Variants in NALF1 observed in about 807,000 individuals in gnomAD.
NALF1 encodes family with sequence similarity 155 member A.
A neutral mutation model predicts 48.4 loss-of-function variants in NALF1; 3 were observed. The ratio of observed to expected loss-of-function variants is 0.06; its 90% CI spans 0.03 to 0.16. The LOEUF (loss-of-function observed/expected upper bound fraction) is 0.16, where lower values mean the gene tolerates loss of function less well. Ranked by LOEUF, NALF1 falls within the 10% of genes least tolerant of loss-of-function variation. The pLI is 1.00. For synonymous variants in NALF1, 262 were observed against 245.7 expected (o/e 1.07, Z -0.62); for missense variants, 526 against 571.5 (o/e 0.92, Z 0.81).
intron 1 of NALF1, among the ~76,000 whole-genome samples, chr13:107,417,626 T>C (rs1011366592): frequency 1.3e-5 from 2 of 152,204 alleles, no homozygotes; most frequent in Non-Finnish European, 2.9e-5. Flanking sequence ...ATGGGATCCA[T>C]GTACGGCAGT....
chr13:107,712,575 A>T (rs997811652), intron 1 of NALF1, among the ~76,000 whole-genome samples: 5 of 152,338 alleles, frequency 3.3e-5, no homozygotes, highest in African/African-American at 1.2e-4. Context: ...GCATGGGGTC[A>T]CGCAGATGCA....
At chr13:107,290,537 GC>G (rs1458609612) in intron 1 of NALF1, among the ~76,000 whole-genome samples, 1 of 151,964 alleles carries the variant, frequency 6.6e-6, no homozygotes, top group African/African-American at 2.4e-5. Context: ...TTTCTCTCTT[GC>G]CTGCTGCCAT....
At chr13:107,822,315 T>TTC (rs774545842) in intron 1 of NALF1, among the ~76,000 whole-genome samples, 1 of 46,348 alleles carries the variant, frequency 2.2e-5, no homozygotes, top group African/African-American at 1.4e-4. Flanking sequence ...TGCAAAAGTA[T>TTC]TTTTTTTTTT....
intron 1 of NALF1, among the ~76,000 whole-genome samples, chr13:107,824,866 T>C (rs1477959513): frequency 6.6e-6 from 1 of 152,226 alleles, no homozygotes; most frequent in African/African-American, 2.4e-5. Context: ...CCACTGCTCT[T>C]ACGAGTTTCA....
chr13:107,189,987 T>C (rs1172561988), intron 2 of NALF1, among the ~76,000 whole-genome samples: 1 of 152,226 alleles, frequency 6.6e-6, no homozygotes, highest in Non-Finnish European at 1.5e-5. Flanking sequence ...AGGGGATTTG[T>C]GTGTTCCTTG....
chr13:107,756,855 T>C (rs1388433289), intron 1 of NALF1, among the ~76,000 whole-genome samples: 1 of 152,132 alleles, frequency 6.6e-6, no homozygotes, highest in Non-Finnish European at 1.5e-5. Context: ...TTTGCTCACA[T>C]AGAAAAGTTT....
intron 1 of NALF1, among the ~76,000 whole-genome samples, chr13:107,767,149 CAAAAT>C (rs1877438394): frequency 6.6e-6 from 1 of 152,050 alleles, no homozygotes; most frequent in African/African-American, 2.4e-5. Flanking sequence ...CACAAAGAAA[CAAAAT>C]AAATGTTTCA....
At chr13:107,262,769 G>GCGCGCT (rs36027059) in intron 1 of NALF1, among the ~76,000 whole-genome samples, 21 of 144,122 alleles carry the variant, frequency 1.5e-4, no homozygotes, top group South Asian at 6.8e-4. Context: ...ACCCACAGGC[G>GCGCGCT]CTCTCTCTCT....
chr13:107,661,993 T>C (rs1263871005), intron 1 of NALF1, among the ~76,000 whole-genome samples: 1 of 152,208 alleles, frequency 6.6e-6, no homozygotes, highest in Admixed American at 6.5e-5. Context: ...TTATTAACAC[T>C]TACTTCTGCT....
At chr13:107,663,830 C>G (rs1323224472) in intron 1 of NALF1, among the ~76,000 whole-genome samples, 1 of 152,162 alleles carries the variant, frequency 6.6e-6, no homozygotes, top group East Asian at 1.9e-4. Flanking sequence ...CTGGATACCA[C>G]AGTGTCCTTT....
chr13:107,753,429 C>CTTT (rs1876995562), intron 1 of NALF1, among the ~76,000 whole-genome samples: 1 of 143,648 alleles, frequency 7.0e-6, no homozygotes, highest in Admixed American at 7.0e-5. Context: ...AACAAATCTT[C>CTTT]TTTGTTGTTG....
chr13:107,404,807 G>A (rs1294837060), intron 1 of NALF1, among the ~76,000 whole-genome samples: 1 of 151,908 alleles, frequency 6.6e-6, no homozygotes, highest in Non-Finnish European at 1.5e-5. Context: ...CAGTTACATG[G>A]CTAGTAAAAA....
intron 1 of NALF1, among the ~76,000 whole-genome samples, chr13:107,417,293 A>C (rs1279141692): frequency 6.6e-6 from 1 of 152,042 alleles, no homozygotes; most frequent in Non-Finnish European, 1.5e-5. Context: ...TTCACTATTG[A>C]CTCAGAGTGA....
rs970580637 is a variant in NALF1 at position 107,254,012 on chromosome 13, T to C, written c.916-43257A>G. Among the ~76,000 whole-genome samples, 4 of 150,082 alleles carry C rather than the reference T, an allele frequency of 2.7e-5. No homozygotes were observed. In the South Asian group the frequency reaches 8.4e-4, roughly 32 times the overall value. ...ACTTTGGTCGCCATGACACCCCCAG[T>C]GACAAAGTAGTTCTCTTTTATAACA... On this transcript the variant is annotated intron_variant, in intron 1 of 2. Coordinates refer to ENST00000375915, the MANE Select transcript of NALF1 (RefSeq NM_001080396.3).
At chr13:107,709,006 G>T (rs1226578121) in intron 1 of NALF1, among the ~76,000 whole-genome samples, 1 of 152,138 alleles carries the variant, frequency 6.6e-6, no homozygotes, top group Non-Finnish European at 1.5e-5. Context: ...TAAAATAAGT[G>T]TCATACTAAC....
intron 2 of NALF1, among the ~76,000 whole-genome samples, chr13:107,182,446 G>C (rs1879086409): frequency 6.6e-6 from 1 of 151,942 alleles, no homozygotes; most frequent in South Asian, 2.1e-4. Context: ...GGCTAATTTT[G>C]TATTTTTTGT....
chr13:107,720,677 T>C (rs187721992), intron 1 of NALF1, among the ~76,000 whole-genome samples: 1 of 152,234 alleles, frequency 6.6e-6, no homozygotes, highest in East Asian at 1.9e-4. Context: ...TAAAAGGAAC[T>C]TAGCTAGGGA....
At chr13:107,747,225 C>T (rs1876805369) in intron 1 of NALF1, among the ~76,000 whole-genome samples, 1 of 152,258 alleles carries the variant, frequency 6.6e-6, no homozygotes, top group African/African-American at 2.4e-5. Context: ...TTCTTCACAG[C>T]ATTATTTGCT....
intron 1 of NALF1, among the ~76,000 whole-genome samples, chr13:107,463,582 C>G (rs1467208237): frequency 6.6e-6 from 1 of 152,096 alleles, no homozygotes; most frequent in Non-Finnish European, 1.5e-5. Flanking sequence ...AACTGAGAAG[C>G]ATGAGAGTGA....
Sources: gnomAD v4.1 joint callset for allele counts (sites outside exome capture counted in the v4.1 genomes callset) on GRCh38, gnomAD v4.1.1 for gene constraint, MANE v1.5 for transcripts, NCBI Gene and HGNC (gene_info 2026-07-23, HGNC 2026-07-21) for gene names.